Variants in MED6 observed in about 807,000 individuals in gnomAD.
MED6 encodes the protein mediator of RNA polymerase II transcription subunit 6.
A neutral mutation model predicts 37.5 loss-of-function variants in MED6; 33 were observed. The ratio of observed to expected loss-of-function variants is 0.88; its 90% CI spans 0.67 to 1.18. MED6 has a LOEUF of 1.18. Among genes scored for constraint, MED6 ranks in the 50% most tolerant of loss-of-function variants. MED6 has a pLI of 0.00. For synonymous variants in MED6, 94 were observed against 93.6 expected (o/e 1.00, Z -0.02); for missense variants, 235 against 290.6 (o/e 0.81, Z 1.39).
chr14:70,595,348 G>A (rs2139600890), intron 3 of MED6: 4 of 559,294 alleles, frequency 7.2e-6, no homozygotes, highest in Non-Finnish European at 6.9e-6. Flanking sequence ...GACAAGTACT[G>A]GTCTCAGCAG....
intron 3 of MED6, among the ~76,000 whole-genome samples, chr14:70,593,831 G>A (rs1037443503): frequency 6.6e-6 from 1 of 152,178 alleles, no homozygotes; most frequent in African/African-American, 2.4e-5. Flanking sequence ...AAGACAGACT[G>A]GGGGGTCCAG....
At chr14:70,599,385 A>AT (rs1480964628) in intron 1 of MED6, among the ~76,000 whole-genome samples, 31 of 152,152 alleles carry the variant, frequency 2.0e-4, no homozygotes, top group African/African-American at 7.5e-4. Flanking sequence ...AGGAAATAAC[A>AT]TTTTCAGAAA....
At chr14:70,600,482 T>C (rs1353096258) in intron 1 of MED6, 134 bp downstream of exon 1, 5 of 922,684 alleles carry the variant, frequency 5.4e-6, no homozygotes, top group Non-Finnish European at 6.6e-6. Context: ...ATCACAGCCT[T>C]GGGTTGTCCA....
chr14:70,593,145 C>T (rs925196003), intron 4 of MED6, 151 bp downstream of exon 4: 1 of 1,276,248 alleles, frequency 7.8e-7, no homozygotes, highest in Middle Eastern at 2.4e-4. Flanking sequence ...TGAGCACCGA[C>T]TTGGCTCACA....
intron 3 of MED6, among the ~76,000 whole-genome samples, chr14:70,594,382 T>C (rs1027411135): frequency 1.5e-4 from 23 of 152,230 alleles, no homozygotes; most frequent in Admixed American, 2.0e-4. Context: ...AGGCTTTTAG[T>C]TGAATGCATC....
At chr14:70,590,078 C>G (rs1884824553) in intron 6 of MED6, among the ~76,000 whole-genome samples, 1 of 152,112 alleles carries the variant, frequency 6.6e-6, no homozygotes, top group African/African-American at 2.4e-5. Context: ...CTTTTTCATA[C>G]AAGTCTGAAA....
chr14:70,589,159 T>C (rs1884800377), intron 6 of MED6, among the ~76,000 whole-genome samples: 1 of 152,220 alleles, frequency 6.6e-6, no homozygotes, highest in African/African-American at 2.4e-5. Context: ...TTTTAGTTAA[T>C]AATACCTAGT....
intron 6 of MED6, 84 bp from the exon 7 acceptor site, chr14:70,585,867 T>C (rs1443714505): frequency 9.4e-7 from 1 of 1,063,382 alleles, no homozygotes; most frequent in African/African-American, 1.6e-5. Flanking sequence ...TTCTTCCTGA[T>C]GTCATATTAA....
At position 70,592,683 on chromosome 14, in the gene MED6, A is replaced by T. The variant is rs1297394631; in HGVS notation, c.466+197T>A. ...ACAAAGACTACCAGTTAACTAACAG[A>T]GTGAACTTGCATCTGTTCCTATGTG... is the stretch of plus-strand genomic sequence containing the variant. On this transcript the variant is annotated intron_variant, in intron 5 of 7. Coordinates refer to ENST00000256379, the MANE Select transcript of MED6 (RefSeq NM_005466.4). 8.7e-6 allele frequency: 4 copies of T among 459,776 alleles called. No homozygotes were observed. The East Asian group carries it at 1.2e-4, about 14-fold the overall frequency. The allele number at this position is 459,776 out of a possible 1,614,324, so 28.5% of individuals were successfully genotyped here.
intron 4 of MED6, 136 bp from the exon 5 acceptor site, chr14:70,593,124 G>T: frequency 7.5e-7 from 1 of 1,333,116 alleles, no homozygotes. Flanking sequence ...TTGAGACTAT[G>T]AAATATACTT....
intron 3 of MED6, chr14:70,595,748 C>A: frequency 1.4e-6 from 1 of 722,460 alleles, no homozygotes; most frequent in Non-Finnish European, 2.5e-6. Context: ...CCATGCAAAC[C>A]ATCCAAAAGA....
chr14:70,596,367 C>G (rs1055951084), intron 3 of MED6: 1 of 375,812 alleles, frequency 2.7e-6, no homozygotes, highest in African/African-American at 2.0e-5. Context: ...CTACAGACCC[C>G]ACCTGACATG....
chr14:70,592,498 T>TTTTTTC (rs1555359011), intron 5 of MED6: 11 of 137,446 alleles, frequency 8.0e-5, no homozygotes, highest in African/African-American at 3.1e-4. Flanking sequence ...TTTTTTTTTT[T>TTTTTTC]TTTTTTTTTT....
chr14:70,598,556 G>A (rs144104850), intron 1 of MED6, among the ~76,000 whole-genome samples: 62 of 152,120 alleles, frequency 4.1e-4, no homozygotes, highest in Admixed American at 2.2e-3. Context: ...GTGGAGAGAA[G>A]GTGGGTTTTA....
At chr14:70,594,607 AGGCGCCCAGCTGC>A (rs1884985177) in intron 3 of MED6, 1 of 419,406 alleles carries the variant, frequency 2.4e-6, no homozygotes, top group East Asian at 5.6e-5. Flanking sequence ...GGCTCCATCC[AGGCGCCCAGCTGC>A]GGCACCCAGC....
In MED6 at chr14:70,593,373, G is replaced by A. The variant is rs977861558; in HGVS notation, c.280C>T (p.Pro94Ser). Residue 94 changes from proline to serine, a missense_variant, in exon 4 of 8, where the codon CCA (proline) becomes TCA (serine). Pro to Ser is a moderately conservative substitution (Grantham distance 74). Coordinates refer to ENST00000256379, the MANE Select transcript of MED6 (RefSeq NM_005466.4). ...QQRQSPAQVI[P>S]LADYYIIAGV... ...GCAATGATATAGTAATCAGCTAGTGGGATAACTAAAACAGTGGGAAAAAAG... is the reference window on the plus strand; with the variant it reads ...GCAATGATATAGTAATCAGCTAGTGAGATAACTAAAACAGTGGGAAAAAAG... The A allele has an allele frequency of 6.2e-7, 1 of 1,611,956 alleles. No homozygotes were observed. The highest frequency in any genetic ancestry group is 1.1e-5 in the South Asian group (1 of 90,892).
At chr14:70,592,801 C>T (rs779296033) in intron 5 of MED6, 79 bp downstream of exon 5, 96 of 1,493,716 alleles carry the variant, frequency 6.4e-5, no homozygotes, top group Non-Finnish European at 8.5e-5. Context: ...AAAAGATCAA[C>T]AGCCATTTTC....
intron 3 of MED6, 124 bp from the exon 4 acceptor site, chr14:70,593,502 G>A: frequency 1.4e-6 from 1 of 695,210 alleles, no homozygotes; most frequent in Admixed American, 2.9e-5. Flanking sequence ...TTACTGTTTT[G>A]GTAAAGCTGT....
At chr14:70,599,332 T>C (rs1885137258) in intron 1 of MED6, among the ~76,000 whole-genome samples, 1 of 152,196 alleles carries the variant, frequency 6.6e-6, no homozygotes, top group Non-Finnish European at 1.5e-5. Context: ...TTTAGATAGT[T>C]CATCATAACT....
Sources: gnomAD v4.1 joint callset for allele counts (sites outside exome capture counted in the v4.1 genomes callset) on GRCh38, gnomAD v4.1.1 for gene constraint, MANE v1.5 for transcripts, NCBI Gene and HGNC (gene_info 2026-07-23, HGNC 2026-07-21) for gene names.